The following ZNRF1 variants were observed in gnomAD, a reference collection of about 807,000 sequenced individuals.
The protein encoded by ZNRF1 is zinc and ring finger 1, also known as E3 ubiquitin-protein ligase ZNRF1.
A neutral mutation model predicts 18.4 loss-of-function variants in ZNRF1; 3 were observed. That is an observed-to-expected ratio of 0.16 (90% CI 0.07 to 0.42). The LOEUF (loss-of-function observed/expected upper bound fraction) is 0.42, where lower values mean the gene tolerates loss of function less well. Among genes scored for constraint, ZNRF1 ranks in the 10% least tolerant of loss-of-function variants. ZNRF1 has a pLI of 0.99. For missense variants in ZNRF1, 310 were observed against 329.8 expected (o/e 0.94, Z 0.47); for synonymous variants, 157 against 144.2 (o/e 1.09, Z -0.64).
chr16:75,026,217 T>A (rs1234755086), intron 1 of ZNRF1, among the ~76,000 whole-genome samples: 1 of 152,178 alleles, frequency 6.6e-6, no homozygotes, highest in Non-Finnish European at 1.5e-5. Flanking sequence ...AAACGAACAT[T>A]TAAAATATTC....
intron 1 of ZNRF1, among the ~76,000 whole-genome samples, chr16:75,050,559 T>C (rs1367546755): frequency 6.7e-6 from 1 of 149,124 alleles, no homozygotes; most frequent in Non-Finnish European, 1.5e-5. Flanking sequence ...GTTCCTGATA[T>C]TAAAAAAAAA....
rs191572280 is a variant in ZNRF1, at chr16:75,009,598, G to A, written c.424+9503G>A. 8.5e-5 allele frequency among the ~76,000 whole-genome samples: 13 copies of A among 152,240 alleles called. No homozygotes were observed. In the East Asian group the frequency reaches 2.3e-3, roughly 27 times the overall value. Reference sequence around the variant, plus strand: ...AGCTGTAATTCATTGTTAGAAATGTGAATTTCTTAATATCTCTTCAAGACC... The same window carrying A: ...AGCTGTAATTCATTGTTAGAAATGTAAATTTCTTAATATCTCTTCAAGACC... On this transcript the variant is annotated intron_variant, in intron 1 of 4. Coordinates refer to ENST00000335325, the MANE Select transcript of ZNRF1 (RefSeq NM_032268.5).
intron 1 of ZNRF1, among the ~76,000 whole-genome samples, chr16:75,053,789 G>T (rs2035635642): frequency 6.6e-6 from 1 of 152,136 alleles, no homozygotes; most frequent in South Asian, 2.1e-4. Context: ...GTACTTTGGT[G>T]TGTACACATC....
intron 1 of ZNRF1, among the ~76,000 whole-genome samples, chr16:75,081,493 C>T (rs1265463288): frequency 1.3e-5 from 2 of 152,136 alleles, no homozygotes; most frequent in African/African-American, 4.8e-5. Context: ...TCCTTGGCTC[C>T]AGTTGTTGCT....
At chr16:75,013,025 A>G (rs1052872593) in intron 1 of ZNRF1, among the ~76,000 whole-genome samples, 2 of 152,216 alleles carry the variant, frequency 1.3e-5, no homozygotes, top group Non-Finnish European at 2.9e-5. Context: ...TCTTGAAGGC[A>G]TCAGTTCTGT....
chr16:75,080,064 C>T (rs1393988549), intron 1 of ZNRF1, among the ~76,000 whole-genome samples: 4 of 152,272 alleles, frequency 2.6e-5, no homozygotes, highest in South Asian at 4.1e-4. Context: ...TATAGGCACC[C>T]GCCACCATGC....
intron 1 of ZNRF1, among the ~76,000 whole-genome samples, chr16:75,008,421 T>G (rs2034951425): frequency 6.6e-6 from 1 of 152,222 alleles, no homozygotes; most frequent in African/African-American, 2.4e-5. Context: ...CTCCTGACTT[T>G]TCTTCTTTGG....
intron 1 of ZNRF1, among the ~76,000 whole-genome samples, chr16:75,033,756 T>G (rs1241798652): frequency 6.6e-6 from 1 of 152,180 alleles, no homozygotes; most frequent in Non-Finnish European, 1.5e-5. Context: ...AGAATAAAAG[T>G]CTTGTGCACA....
intron 1 of ZNRF1, among the ~76,000 whole-genome samples, chr16:75,087,972 A>G (rs539378363): frequency 3.3e-5 from 5 of 152,344 alleles, no homozygotes; most frequent in Admixed American, 3.3e-4. Flanking sequence ...ATGTCTCCTG[A>G]AGCATCTCTT....
At chr16:75,090,011 T>C (rs897120325) in intron 1 of ZNRF1, among the ~76,000 whole-genome samples, 3 of 152,226 alleles carry the variant, frequency 2.0e-5, no homozygotes, top group Non-Finnish European at 4.4e-5. Context: ...TGTCAGGGCC[T>C]GGAGGCAGAA....
In ZNRF1 at chr16:75,109,958, A is replaced by T. The variant is rs1405308333; in HGVS notation, c.*2258A>T. The T allele has an allele frequency of 6.6e-6, 1 of 152,430 alleles. No individual in the cohort carries two copies. The highest frequency in any genetic ancestry group is 3.4e-3 in the Middle Eastern group (1 of 294). 9.4% of individuals were successfully genotyped at this position (152,430 alleles called of 1,614,324 possible). A position where few individuals can be genotyped will look rare whatever the true frequency, so the allele number is the denominator to read the frequency against. On this transcript the variant is annotated 3_prime_UTR_variant, in exon 5 of 5. Coordinates refer to ENST00000335325, the MANE Select transcript of ZNRF1 (RefSeq NM_032268.5). Reference sequence around the variant, plus strand: ...GAGGCAGGGCCCAGCCCTGAAGGAGATCTCCTTGCCTGACCCCTGGACCTG... The same window carrying T: ...GAGGCAGGGCCCAGCCCTGAAGGAGTTCTCCTTGCCTGACCCCTGGACCTG...
chr16:75,104,806 G>A lies in ZNRF1; in HGVS notation c.543G>A (p.Ala181=), dbSNP rs1017593886. The A allele has an allele frequency of 1.2e-5, 19 of 1,609,428 alleles. No individual in the cohort carries two copies. Among genetic ancestry groups the A allele is most frequent in the Admixed American group, 1.7e-5 (1 of 59,300 alleles). Residue 181 remains alanine, a synonymous_variant, in exon 3 of 5, where the codon GCG becomes GCA. Coordinates refer to ENST00000335325, the MANE Select transcript of ZNRF1 (RefSeq NM_032268.5). The part of the protein sequence containing the change: ...SYNDDVLTKD[A]GECVICLEEL... Reference sequence around the variant, plus strand: ...CAGATGATGTGCTGACTAAAGACGCGGGTGAGTGTGTGATCTGCCTGGAGG... The same window carrying A: ...CAGATGATGTGCTGACTAAAGACGCAGGTGAGTGTGTGATCTGCCTGGAGG...
chr16:75,043,011 T>C lies in ZNRF1; in HGVS notation c.424+42916T>C, dbSNP rs117174841. Among the ~76,000 whole-genome samples the C allele has an allele frequency of 6.9e-3, 1,057 of 152,332 alleles. 5 individuals carry two copies. The highest frequency in any genetic ancestry group is 0.01 in the Non-Finnish European group (699 of 68,028). On this transcript the variant is annotated intron_variant, in intron 1 of 4. Coordinates refer to ENST00000335325, the MANE Select transcript of ZNRF1 (RefSeq NM_032268.5). ...CCCTTGAGTGCTTCCCTTGGTGTTA[T>C]ACTTGGTGTCATCCCACCTCCTTGT...
intron 1 of ZNRF1, among the ~76,000 whole-genome samples, chr16:75,035,058 C>T (rs568465400): frequency 6.6e-6 from 1 of 152,240 alleles, no homozygotes; most frequent in African/African-American, 2.4e-5. Flanking sequence ...ATTTTACATT[C>T]TTACTAACAG....
intron 1 of ZNRF1, 75 bp from the exon 2 acceptor site, chr16:75,093,497 T>C: frequency 8.4e-7 from 1 of 1,189,488 alleles, no homozygotes; most frequent in Non-Finnish European, 1.2e-6. Context: ...ATGGCTGTCA[T>C]TCGAGAGTGT....
At chr16:75,012,732 T>G (rs2035014979) in intron 1 of ZNRF1, among the ~76,000 whole-genome samples, 1 of 152,220 alleles carries the variant, frequency 6.6e-6, no homozygotes, top group Admixed American at 6.5e-5. Context: ...TATTTACAGT[T>G]TCTCGGGACT....
At chr16:75,094,616 C>T (rs1169414539) in intron 2 of ZNRF1, among the ~76,000 whole-genome samples, 1 of 152,188 alleles carries the variant, frequency 6.6e-6, no homozygotes, top group Non-Finnish European at 1.5e-5. Context: ...GCCTTTGGTA[C>T]AGAGCCTGGC....
chr16:75,099,768 C>T (rs1047293513), intron 2 of ZNRF1, among the ~76,000 whole-genome samples: 2 of 152,140 alleles, frequency 1.3e-5, no homozygotes, highest in African/African-American at 4.8e-5. Flanking sequence ...TTTTGTGCTG[C>T]GAGGCCCCCG....
intron 1 of ZNRF1, among the ~76,000 whole-genome samples, chr16:75,068,939 T>C (rs2035836154): frequency 6.6e-6 from 1 of 151,844 alleles, no homozygotes; most frequent in South Asian, 2.1e-4. Context: ...TTTGGGAGCA[T>C]TAAAAAATTC....
Sources: allele counts gnomAD v4.1 joint callset (sites outside exome capture counted in the v4.1 genomes callset), GRCh38; gene constraint gnomAD v4.1.1; transcripts MANE v1.5; gene names NCBI Gene and HGNC (gene_info 2026-07-23, HGNC 2026-07-21).